The following BCAT1 variants were observed in gnomAD, a reference collection of about 807,000 sequenced individuals.
The protein encoded by BCAT1 is branched-chain-amino-acid aminotransferase, cytosolic.
In BCAT1, 48 loss-of-function variants were observed where a neutral mutation model predicts 52.4. The observed-to-expected ratio is 0.92, with a 90% CI of 0.73 to 1.16. The LOEUF (loss-of-function observed/expected upper bound fraction) is 1.16. BCAT1 is among the 50% of genes most tolerant of loss of function. The pLI, the probability that BCAT1 is intolerant of heterozygous loss-of-function variation, is 0.00. For synonymous variants in BCAT1, 167 were observed against 161.3 expected, an observed-to-expected ratio of 1.04 and a Z score of -0.27; for missense variants, 451 against 457.1, an observed-to-expected ratio of 0.99 and a Z score of 0.12.
chr12:24,846,158 A>C (rs1941338519), intron 6 of BCAT1, among the ~76,000 whole-genome samples: 1 of 152,236 alleles, frequency 6.6e-6, no homozygotes, highest in Admixed American at 6.5e-5. Context: ...TTCATGAAGC[A>C]CTGAGCAAGG....
At chr12:24,911,187 A>T (rs559831047) in intron 1 of BCAT1, among the ~76,000 whole-genome samples, 24 of 152,112 alleles carry the variant, frequency 1.6e-4, no homozygotes, top group African/African-American at 5.5e-4. Flanking sequence ...TTTCATTATT[A>T]TTCTGGCTTT....
At chr12:24,862,834 AT>A (rs1358929358) in intron 5 of BCAT1, among the ~76,000 whole-genome samples, 3 of 151,890 alleles carry the variant, frequency 2.0e-5, no homozygotes, top group Admixed American at 6.6e-5. Flanking sequence ...AAAAAAAAAA[AT>A]CTGATGCTAG....
At chr12:24,825,562 G>A (rs375487448) in intron 10 of BCAT1, among the ~76,000 whole-genome samples, 19 of 151,404 alleles carry the variant, frequency 1.3e-4, no homozygotes, top group African/African-American at 2.7e-4. Flanking sequence ...GTGATGTTGC[G>A]CATTTTTTCA....
chr12:24,947,249 T>A (rs951048028), intron 1 of BCAT1, among the ~76,000 whole-genome samples: 11 of 151,868 alleles, frequency 7.2e-5, no homozygotes, highest in Non-Finnish European at 2.9e-5. Flanking sequence ...TACATGTGTA[T>A]CATTTTTAAA....
intron 1 of BCAT1, among the ~76,000 whole-genome samples, chr12:24,936,725 A>C (rs67738630): frequency 1.0e-5 from 1 of 100,262 alleles, no homozygotes; most frequent in African/African-American, 4.0e-5. Flanking sequence ...TCTCTCTCTC[A>C]CACACACACA....
intron 5 of BCAT1, among the ~76,000 whole-genome samples, chr12:24,876,290 A>G (rs996560722): frequency 1.3e-5 from 2 of 151,522 alleles, no homozygotes; most frequent in African/African-American, 4.8e-5. Context: ...AAAGAAAAGA[A>G]AAATGAAAAC....
At chr12:24,822,178 A>G (rs1230747130) in intron 10 of BCAT1, among the ~76,000 whole-genome samples, 1 of 152,258 alleles carries the variant, frequency 6.6e-6, no homozygotes, top group African/African-American at 2.4e-5. Context: ...TTAAAAGAAG[A>G]AAAAGGAAAA....
intron 8 of BCAT1, chr12:24,834,603 G>A: frequency 1.0e-6 from 1 of 978,974 alleles, no homozygotes; most frequent in Non-Finnish European, 1.2e-6. Context: ...AAAGCTCTTG[G>A]CAATATTCAA....
At chr12:24,894,207 A>C in intron 3 of BCAT1, 68 bp downstream of exon 3, 3 of 1,468,940 alleles carry the variant, frequency 2.0e-6, no homozygotes, top group South Asian at 2.4e-5. Context: ...CTATTTTAGC[A>C]GGAGAAGCTA....
intron 1 of BCAT1, among the ~76,000 whole-genome samples, chr12:24,930,774 C>G (rs1943664349): frequency 6.6e-6 from 1 of 151,988 alleles, no homozygotes; most frequent in African/African-American, 2.4e-5. Flanking sequence ...AAGTTAGAGG[C>G]TAAAGCTTGC....
chr12:24,832,562 C>G lies in BCAT1; in HGVS notation c.1044+161G>C, dbSNP rs147851623. On this transcript the variant is annotated intron_variant, in intron 9 of 10. Transcript: ENST00000261192. ...AGCCACTGCACTCCAGCCTGGGCAA[C>G]ACAGCGAGACTCCATCTCTTTAAAA... Among the ~76,000 whole-genome samples the G allele has an allele frequency of 1.9e-4, 29 of 152,304 alleles. No individual in the cohort carries two copies. In the East Asian group the frequency reaches 5.4e-3, roughly 28 times the overall value.
intron 5 of BCAT1, among the ~76,000 whole-genome samples, chr12:24,866,067 G>A (rs562800543): frequency 1.6e-4 from 24 of 152,360 alleles, no homozygotes; most frequent in Non-Finnish European, 2.6e-4. Context: ...TTTGCAGGGA[G>A]GTGTGGAGGG....
intron 6 of BCAT1, among the ~76,000 whole-genome samples, chr12:24,846,087 T>G (rs1376015112): frequency 6.6e-6 from 1 of 152,204 alleles, no homozygotes; most frequent in Non-Finnish European, 1.5e-5. Flanking sequence ...AAGAAGCTTC[T>G]AAATACAAAT....
chr12:24,938,381 A>G (rs1406331488), intron 1 of BCAT1, among the ~76,000 whole-genome samples: 1 of 152,106 alleles, frequency 6.6e-6, no homozygotes, highest in African/African-American at 2.4e-5. Flanking sequence ...GTGCGGTAAT[A>G]TTGGTTGCAA....
intron 1 of BCAT1, among the ~76,000 whole-genome samples, chr12:24,942,536 T>A (rs1943864744): frequency 7.4e-6 from 1 of 134,998 alleles, no homozygotes; most frequent in Non-Finnish European, 1.5e-5. Flanking sequence ...AGAACAAGAC[T>A]CCGCCTCAAA....
chr12:24,941,700 A>G (rs1943851673), intron 1 of BCAT1, among the ~76,000 whole-genome samples: 1 of 152,194 alleles, frequency 6.6e-6, no homozygotes, highest in African/African-American at 2.4e-5. Flanking sequence ...AAAAGGTAAA[A>G]AGCACAGTCG....
intron 7 of BCAT1, among the ~76,000 whole-genome samples, chr12:24,841,582 A>T (rs1395877550): frequency 1.3e-5 from 2 of 152,154 alleles, no homozygotes; most frequent in Non-Finnish European, 2.9e-5. Flanking sequence ...CAAAAAACGA[A>T]AAACAAAAAA....
intron 5 of BCAT1, among the ~76,000 whole-genome samples, chr12:24,858,890 G>C (rs1253609409): frequency 6.6e-6 from 1 of 152,252 alleles, no homozygotes; most frequent in East Asian, 1.9e-4. Flanking sequence ...GTTTGAGTAA[G>C]TTGTGGGAGG....
chr12:24,842,509 G>A (rs78990812), intron 6 of BCAT1, among the ~76,000 whole-genome samples: 1 of 150,254 alleles, frequency 6.7e-6, no homozygotes, highest in African/African-American at 2.5e-5. Flanking sequence ...CCAAGTTAAT[G>A]AGAACAGTTA....
Sources: allele counts gnomAD v4.1 joint callset (sites outside exome capture counted in the v4.1 genomes callset), GRCh38; gene constraint gnomAD v4.1.1; transcripts MANE v1.5; gene names NCBI Gene and HGNC (gene_info 2026-07-23, HGNC 2026-07-21).